The following TSR2 variants were observed in gnomAD, a reference collection of about 807,000 sequenced individuals.
TSR2 encodes the protein pre-rRNA-processing protein TSR2 homolog.
Under a neutral mutation model 13.3 loss-of-function variants are expected in TSR2, and 1 was observed. The ratio of observed to expected loss-of-function variants is 0.08; its 90% CI spans 0.03 to 0.36. TSR2 has a LOEUF of 0.36. Among genes scored for constraint, TSR2 ranks in the 10% least tolerant of loss-of-function variants. The pLI is 0.99. For synonymous variants in TSR2, 60 were observed against 57.7 expected (o/e 1.04, Z -0.18); for missense variants, 120 against 151.1 (o/e 0.79, Z 1.08).
chrX:54,446,125 G>C lies in TSR2; in HGVS notation c.*1575G>C. On this transcript the variant is annotated 3_prime_UTR_variant, in exon 5 of 5. Transcript: ENST00000375151. ...CCAAACCCTCTAGGTCTTGTCTCGG[G>C]TCTGGGGGGATTCGGGGGGTTCAGC... The C allele has an allele frequency of 8.3e-7, 1 of 1,210,138 alleles. No individual in the cohort carries two copies. The highest frequency in any genetic ancestry group is 1.1e-6 in the Non-Finnish European group (1 of 894,705).
Position 54,444,563 on chromosome X carries a change from G to A in TSR2, c.*13G>A. On this transcript the variant is annotated 3_prime_UTR_variant, in exon 5 of 5. Coordinates refer to ENST00000375151, the MANE Select transcript of TSR2 (RefSeq NM_058163.3). ...GAGAAAAAAATGAGTGGGGATGATT[G>A]GAAATGGCTTTGGGCCCTTATTTGC... 1 of 1,208,204 alleles carries A rather than the reference G, an allele frequency of 8.3e-7. No homozygotes were observed. Among genetic ancestry groups the A allele is most frequent in the East Asian group, 3.0e-5 (1 of 33,728 alleles).
At chrX:54,440,839 C>T in intron 2 of TSR2, 59 bp downstream of exon 2, 1 of 941,782 alleles carries the variant, frequency 1.1e-6, no homozygotes, top group South Asian at 2.4e-5. Flanking sequence ...GGAGGAGCCC[C>T]ATCCCGCAGA....
At chrX:54,441,176 TGTA>T (rs1356121726) in intron 2 of TSR2, among the ~76,000 whole-genome samples, 28 of 112,523 alleles carry the variant, frequency 2.5e-4, no homozygotes, top group African/African-American at 8.7e-4. Context: ...TATTTCAACA[TGTA>T]GTCAGTATAA....
intron 2 of TSR2, among the ~76,000 whole-genome samples, chrX:54,441,342 C>A (rs974765276): frequency 2.7e-5 from 3 of 111,838 alleles, no homozygotes; most frequent in African/African-American, 9.7e-5. Flanking sequence ...GTAGGCTCGT[C>A]TTGAGGGATA....
chrX:54,445,814 G>T lies in TSR2; in HGVS notation c.*1264G>T. On this transcript the variant is annotated 3_prime_UTR_variant, in exon 5 of 5. Transcript: ENST00000375151. ...GGGTGGAGGCAGGATCTGTGGTAGG[G>T]TATTGAGGGATGAGGGAGAAAAACG... 3.2e-6 allele frequency: 1 copy of T among 310,803 alleles called. No individual in the cohort carries two copies. The highest frequency in any genetic ancestry group is 6.0e-5 in the South Asian group (1 of 16,614). 25.6% of individuals were successfully genotyped at this position (310,803 alleles called of 1,213,427 possible). A position where few individuals can be genotyped will look rare whatever the true frequency, so the allele number is the denominator to read the frequency against.
chrX:54,441,872 C>A (rs974251461), intron 2 of TSR2, among the ~76,000 whole-genome samples: 3 of 111,629 alleles, frequency 2.7e-5, no homozygotes, highest in African/African-American at 9.8e-5. Flanking sequence ...CTAACTAGTT[C>A]TGTTAGATGT....
chrX:54,444,568 T>G lies in TSR2; in HGVS notation c.*18T>G. On this transcript the variant is annotated 3_prime_UTR_variant, in exon 5 of 5. Coordinates refer to ENST00000375151, the MANE Select transcript of TSR2 (RefSeq NM_058163.3). ...AAAAATGAGTGGGGATGATTGGAAATGGCTTTGGGCCCTTATTTGCTGTTC... is the reference window on the plus strand; with the variant it reads ...AAAAATGAGTGGGGATGATTGGAAAGGGCTTTGGGCCCTTATTTGCTGTTC... 3.3e-6 allele frequency: 4 copies of G among 1,207,007 alleles called. No homozygotes were observed. The highest frequency in any genetic ancestry group is 4.5e-6 in the Non-Finnish European group (4 of 893,157).
At chrX:54,443,949 G>T (rs982602987) in intron 3 of TSR2, 59 bp from the exon 4 acceptor site, 5 of 1,178,454 alleles carry the variant, frequency 4.2e-6, no homozygotes, top group East Asian at 3.0e-5. Context: ...CTTCAAACAC[G>T]TGCTGTTTGT....
chrX:54,446,335 C>T lies in TSR2; in HGVS notation c.*1785C>T, dbSNP rs749295189. ...GCTCTGGGTGATCTTGAAGACATGC[C>T]TTCTGTCAGGCCGCTCCCCTGCCTC... On this transcript the variant is annotated 3_prime_UTR_variant, in exon 5 of 5. Coordinates refer to ENST00000375151, the MANE Select transcript of TSR2 (RefSeq NM_058163.3). The T allele has an allele frequency of 4.1e-6, 5 of 1,211,307 alleles. No homozygotes were observed. Among genetic ancestry groups the T allele is most frequent in the Non-Finnish European group, 5.6e-6 (5 of 895,197 alleles).
At chrX:54,442,413 G>C (rs1046343651) in intron 2 of TSR2, among the ~76,000 whole-genome samples, 5 of 111,593 alleles carry the variant, frequency 4.5e-5, no homozygotes, top group African/African-American at 6.5e-5. Context: ...TGGAGGATGC[G>C]AAGCAGGTTT....
At chrX:54,440,597 A>G in intron 1 of TSR2, 93 bp from the exon 2 acceptor site, 2 of 1,128,821 alleles carry the variant, frequency 1.8e-6, no homozygotes, top group Admixed American at 2.5e-5. Context: ...GCTAGGCGGC[A>G]TAAGAGGAGT....
Position 54,446,048 on chromosome X carries a change from C to T in TSR2, c.*1498C>T, listed in dbSNP as rs1408580158. 18 of 952,185 alleles carry T rather than the reference C, an allele frequency of 1.9e-5. No homozygotes were observed. Among genetic ancestry groups the T allele is most frequent in the Non-Finnish European group, 1.8e-5 (12 of 683,890 alleles). The allele number at this position is 952,185 out of a possible 1,213,427, so 78.5% of individuals were successfully genotyped here. A position where few individuals can be genotyped will look rare whatever the true frequency, so the allele number is the denominator to read the frequency against. On this transcript the variant is annotated 3_prime_UTR_variant, in exon 5 of 5. Coordinates refer to ENST00000375151, the MANE Select transcript of TSR2 (RefSeq NM_058163.3). Reference sequence around the variant, plus strand: ...GAGCTGGGAGGGAAGGGGCTAGAGCCCCCAATCAGACATGGGCAACTAGAG... The same window carrying T: ...GAGCTGGGAGGGAAGGGGCTAGAGCTCCCAATCAGACATGGGCAACTAGAG...
intron 2 of TSR2, among the ~76,000 whole-genome samples, chrX:54,441,692 G>C (rs1921944946): frequency 1.8e-5 from 2 of 111,011 alleles, no homozygotes; most frequent in African/African-American, 6.6e-5. Context: ...GTTATATTTG[G>C]AAAGTAGCAG....
At chrX:54,443,622 C>G (rs1221725293) in intron 3 of TSR2, 131 bp downstream of exon 3, 1 of 486,807 alleles carries the variant, frequency 2.1e-6, no homozygotes, top group African/African-American at 2.5e-5. Flanking sequence ...TTTCCAAACC[C>G]TGCCTTTTCT....
intron 2 of TSR2, among the ~76,000 whole-genome samples, chrX:54,441,446 CAG>C (rs1250754622): frequency 1.8e-5 from 2 of 111,787 alleles, no homozygotes; most frequent in Non-Finnish European, 3.8e-5. Context: ...TGACATTAGG[CAG>C]AGTCATCTCT....
Position 54,447,567 on chromosome X carries a change from T to C in TSR2, c.*3017T>C. The C allele has an allele frequency of 1.2e-6, 1 of 817,751 alleles. No homozygotes were observed. Among genetic ancestry groups the C allele is most frequent in the Non-Finnish European group, 1.8e-6 (1 of 563,116 alleles). The allele number at this position is 817,751 out of a possible 1,213,427, so 67.4% of individuals were successfully genotyped here. On this transcript the variant is annotated 3_prime_UTR_variant, in exon 5 of 5. Transcript: ENST00000375151. ...CTATTCCTATCTCAGATGAAGACGC[T>C]CAAGCTCAGGTGGCAGGAGTGATTT...
chrX:54,447,202 T>C lies in TSR2; in HGVS notation c.*2652T>C. The C allele has an allele frequency of 1.1e-6, 1 of 874,817 alleles. No individual in the cohort carries two copies. Among genetic ancestry groups the C allele is most frequent in the East Asian group, 3.2e-5 (1 of 31,343 alleles). 72.1% of individuals were successfully genotyped at this position (874,817 alleles called of 1,213,427 possible). ...TTCTGATTTCCTCTTAGAGATAGGC[T>C]CACCTTATCTTCCAAGGCTCACCTT... On this transcript the variant is annotated 3_prime_UTR_variant, in exon 5 of 5. Coordinates refer to ENST00000375151, the MANE Select transcript of TSR2 (RefSeq NM_058163.3).
intron 2 of TSR2, among the ~76,000 whole-genome samples, chrX:54,442,413 G>A (rs1046343651): frequency 5.4e-5 from 6 of 111,593 alleles, no homozygotes; most frequent in Admixed American, 3.8e-4. Flanking sequence ...TGGAGGATGC[G>A]AAGCAGGTTT....
chrX:54,444,252 C>T, intron 4 of TSR2, 68 bp downstream of exon 4: 1 of 1,178,427 alleles, frequency 8.5e-7, no homozygotes, highest in Non-Finnish European at 1.1e-6. Flanking sequence ...CAGCTAGATT[C>T]ACAGGGAAGT....
Sources: allele counts gnomAD v4.1 joint callset (sites outside exome capture counted in the v4.1 genomes callset), GRCh38; gene constraint gnomAD v4.1.1; transcripts MANE v1.5; gene names NCBI Gene and HGNC (gene_info 2026-07-23, HGNC 2026-07-21).